ENPP6: variants seen among roughly 807,000 people sequenced by gnomAD.
ENPP6 encodes glycerophosphocholine cholinephosphodiesterase ENPP6.
ENPP6 carries 32 observed loss-of-function variants against 42.0 expected under a neutral mutation model. The ratio of observed to expected loss-of-function variants is 0.76; its 90% CI spans 0.58 to 1.02. The LOEUF (loss-of-function observed/expected upper bound fraction) is 1.02. Among genes scored for constraint, ENPP6 ranks in the 50% least tolerant of loss-of-function variants. ENPP6 has a pLI of 0.00. For missense variants in ENPP6, 552 were observed against 566.8 expected (o/e 0.97, Z 0.27); for synonymous variants, 213 against 216.0 (o/e 0.99, Z 0.12).
At chr4:184,128,515 T>A (rs1165781213) in intron 2 of ENPP6, among the ~76,000 whole-genome samples, 2 of 150,944 alleles carry the variant, frequency 1.3e-5, no homozygotes, top group African/African-American at 4.9e-5. Flanking sequence ...CAAGATGATG[T>A]AAGAAATAAA....
At chr4:184,112,896 G>T in intron 5 of ENPP6, 87 bp from the exon 6 acceptor site, 3 of 1,349,568 alleles carry the variant, frequency 2.2e-6, no homozygotes, top group South Asian at 1.7e-5. Flanking sequence ...GAGAACTTAC[G>T]TATAAGACCA....
intron 3 of ENPP6, among the ~76,000 whole-genome samples, chr4:184,121,760 T>A (rs1736419205): frequency 6.6e-6 from 1 of 152,266 alleles, no homozygotes. Context: ...TGCTCTTGAC[T>A]GGTCTAGACT....
chr4:184,122,297 G>C (rs1736428694), intron 3 of ENPP6, among the ~76,000 whole-genome samples: 1 of 152,126 alleles, frequency 6.6e-6, no homozygotes, highest in Admixed American at 6.5e-5. Flanking sequence ...GGTAATGCCA[G>C]GGCACATTAG....
intron 3 of ENPP6, among the ~76,000 whole-genome samples, chr4:184,119,167 T>G (rs908579997): frequency 3.9e-5 from 6 of 152,190 alleles, no homozygotes; most frequent in Non-Finnish European, 8.8e-5. Flanking sequence ...AGCTGTTAGC[T>G]TGTAGGAAAC....
At chr4:184,112,856 G>A (rs1285024812) in intron 5 of ENPP6, 47 bp from the exon 6 acceptor site, 2 of 1,537,606 alleles carry the variant, frequency 1.3e-6, no homozygotes, top group Non-Finnish European at 1.8e-6. Flanking sequence ...TCTTAAATAT[G>A]TGTGAATATT....
rs114687938 is a variant in ENPP6, at chr4:184,142,720, C to T, written c.421+10834G>A. ...GCACACAAAGTGACTAATAGGAAACCAAGATGAGAGGGAACGTGTGCCATA... is the reference window on the plus strand; with the variant it reads ...GCACACAAAGTGACTAATAGGAAACTAAGATGAGAGGGAACGTGTGCCATA... On this transcript the variant is annotated intron_variant, in intron 2 of 7. Coordinates refer to ENST00000296741, the MANE Select transcript of ENPP6 (RefSeq NM_153343.4). 4.6e-3 allele frequency among the ~76,000 whole-genome samples: 705 copies of T among 152,308 alleles called. 8 individuals carry two copies. The highest frequency in any genetic ancestry group is 0.015 in the African/African-American group (642 of 41,572).
chr4:184,101,171 ATGAG>A (rs1202943360), intron 6 of ENPP6, among the ~76,000 whole-genome samples: 1 of 151,766 alleles, frequency 6.6e-6, no homozygotes, highest in African/African-American at 2.4e-5. Flanking sequence ...GTGTGTGTGC[ATGAG>A]TGTGTATGTG....
chr4:184,130,263 A>G (rs1736572912), intron 2 of ENPP6, among the ~76,000 whole-genome samples: 1 of 152,106 alleles, frequency 6.6e-6, no homozygotes, highest in South Asian at 2.1e-4. Context: ...AGGGATATAA[A>G]GAGCCTGGGT....
Position 184,132,703 on chromosome 4 carries a change from C to A in ENPP6, c.422-8431G>T, listed in dbSNP as rs902291100. On this transcript the variant is annotated intron_variant, in intron 2 of 7. Transcript: ENST00000296741. ...TCCATTTTACGTTTAGATCTACAAT[C>A]CATCAGGAATTACCTAGAATTAATT... Among the ~76,000 whole-genome samples, 12 of 151,904 alleles carry A rather than the reference C, an allele frequency of 7.9e-5. No homozygotes were observed. The East Asian group carries it at 2.1e-3, about 27-fold the overall frequency.
intron 6 of ENPP6, among the ~76,000 whole-genome samples, chr4:184,106,897 C>T (rs776432127): frequency 3.3e-5 from 5 of 152,204 alleles, no homozygotes; most frequent in East Asian, 1.9e-4. Context: ...CTGAGGCACA[C>T]GGCCTTCACG....
At chr4:184,121,556 A>C (rs1030576973) in intron 3 of ENPP6, among the ~76,000 whole-genome samples, 2 of 152,212 alleles carry the variant, frequency 1.3e-5, no homozygotes, top group Non-Finnish European at 2.9e-5. Context: ...GTGTTCCTCA[A>C]ATTATAGTTA....
intron 6 of ENPP6, among the ~76,000 whole-genome samples, chr4:184,104,585 G>A (rs1350704428): frequency 6.6e-6 from 1 of 152,174 alleles, no homozygotes; most frequent in African/African-American, 2.4e-5. Flanking sequence ...GGTCAACTGA[G>A]GTCAGAAGAA....
chr4:184,190,912 C>T (rs1256794398), intron 1 of ENPP6, among the ~76,000 whole-genome samples: 1 of 152,248 alleles, frequency 6.6e-6, no homozygotes, highest in Non-Finnish European at 1.5e-5. Context: ...CTTTTATGCT[C>T]AACCCCAGAA....
intron 1 of ENPP6, among the ~76,000 whole-genome samples, chr4:184,156,922 C>T (rs770944325): frequency 9.9e-5 from 15 of 152,250 alleles, no homozygotes; most frequent in Non-Finnish European, 2.1e-4. Flanking sequence ...CTTCACATCT[C>T]ACGAGAAGGT....
At chr4:184,113,913 T>TTCTTTC (rs1553995027) in intron 5 of ENPP6, among the ~76,000 whole-genome samples, 95 of 131,966 alleles carry the variant, frequency 7.2e-4, no homozygotes, top group Admixed American at 7.0e-3. Context: ...CTTTCTTTCT[T>TTCTTTC]TCTTTCTTTC....
intron 1 of ENPP6, among the ~76,000 whole-genome samples, chr4:184,200,381 T>C (rs563410703): frequency 6.6e-6 from 1 of 152,312 alleles, no homozygotes; most frequent in African/African-American, 2.4e-5. Context: ...GTTGGTTAAT[T>C]ACATGATCTG....
intron 6 of ENPP6, among the ~76,000 whole-genome samples, chr4:184,106,023 A>G (rs889507249): frequency 6.9e-6 from 1 of 144,016 alleles, no homozygotes; most frequent in African/African-American, 2.6e-5. Flanking sequence ...TGAACTTAAG[A>G]TCAAAAATAC....
chr4:184,123,559 A>T (rs549701483), intron 3 of ENPP6, among the ~76,000 whole-genome samples: 5 of 152,130 alleles, frequency 3.3e-5, no homozygotes, highest in African/African-American at 1.2e-4. Flanking sequence ...CTTGACTTCC[A>T]CTTCCAGAGA....
intron 1 of ENPP6, among the ~76,000 whole-genome samples, chr4:184,183,951 G>T (rs1732594202): frequency 1.3e-5 from 2 of 152,212 alleles, no homozygotes; most frequent in South Asian, 4.1e-4. Flanking sequence ...CTATTTGCCA[G>T]AGCCTTCCTT....
Sources: gnomAD v4.1 joint callset for allele counts (sites outside exome capture counted in the v4.1 genomes callset) on GRCh38, gnomAD v4.1.1 for gene constraint, MANE v1.5 for transcripts, NCBI Gene and HGNC (gene_info 2026-07-23, HGNC 2026-07-21) for gene names.